Variants in MBTD1 observed in about 807,000 individuals in gnomAD.
MBTD1 encodes mbt domain containing 1, also known as MBT domain-containing protein 1.
In MBTD1, 24 loss-of-function variants were observed where a neutral mutation model predicts 87.8. That is an observed-to-expected ratio of 0.27 (90% CI 0.20 to 0.38). The LOEUF (loss-of-function observed/expected upper bound fraction) is 0.38, where lower values mean the gene tolerates loss of function less well. MBTD1 is among the 10% of genes least tolerant of loss of function. MBTD1 has a pLI of 1.00. For missense variants in MBTD1, 436 were observed against 760.2 expected, an observed-to-expected ratio of 0.57 and a Z score of 5.02; for synonymous variants, 237 against 248.6, an observed-to-expected ratio of 0.95 and a Z score of 0.44.
At chr17:51,237,874 T>C (rs1409228052) in intron 2 of MBTD1, among the ~76,000 whole-genome samples, 3 of 152,178 alleles carry the variant, frequency 2.0e-5, no homozygotes, top group African/African-American at 7.2e-5. Flanking sequence ...CTGGAAACAA[T>C]TTAAATGCCC....
intron 2 of MBTD1, among the ~76,000 whole-genome samples, chr17:51,243,556 T>C (rs2054270961): frequency 6.6e-6 from 1 of 152,240 alleles, no homozygotes; most frequent in African/African-American, 2.4e-5. Flanking sequence ...TCTGACAATA[T>C]ATGATACTTT....
At position 51,259,938 on chromosome 17, in the gene MBTD1, G is replaced by C. The variant is rs2055373658; in HGVS notation, c.-216C>G. On this transcript the variant is annotated 5_prime_UTR_variant, in exon 1 of 17. Transcript: ENST00000586178. ...GGGCTGGGGGCAGGTGCCTCTCCCC[G>C]GGACTGCGGCGACTACAGGGGGCCC... is the stretch of plus-strand genomic sequence containing the variant. The C allele has an allele frequency of 8.3e-7, 1 of 1,201,480 alleles. No individual in the cohort carries two copies. The highest frequency in any genetic ancestry group is 1.0e-6 in the Non-Finnish European group (1 of 960,222). The allele number at this position is 1,201,480 out of a possible 1,614,324, so 74.4% of individuals were successfully genotyped here.
At chr17:51,185,274 A>G (rs1421476878) in intron 16 of MBTD1, 1 of 152,230 alleles carries the variant, frequency 6.6e-6, no homozygotes, top group Non-Finnish European at 1.5e-5. Context: ...AGGCAGGTAT[A>G]ACTTTGGCTT....
chr17:51,193,280 ATATT>A (rs1488775046), intron 14 of MBTD1, 144 bp downstream of exon 14: 8 of 598,620 alleles, frequency 1.3e-5, no homozygotes, highest in Admixed American at 3.8e-5. Context: ...GGTAAAGAAA[ATATT>A]TATATTGTTT....
intron 12 of MBTD1, among the ~76,000 whole-genome samples, chr17:51,200,319 C>G (rs975993310): frequency 3.3e-5 from 5 of 151,264 alleles, no homozygotes; most frequent in African/African-American, 1.2e-4. Context: ...CCCAGCTACT[C>G]AGGAGGCTGA....
chr17:51,252,829 T>G (rs2054870238), intron 2 of MBTD1, among the ~76,000 whole-genome samples: 1 of 152,138 alleles, frequency 6.6e-6, no homozygotes, highest in Admixed American at 6.6e-5. Flanking sequence ...TGATTGTAGG[T>G]AGGTAAACCT....
chr17:51,201,924 G>T, intron 11 of MBTD1, 98 bp downstream of exon 11: 1 of 837,296 alleles, frequency 1.2e-6, no homozygotes, highest in Non-Finnish European at 2.0e-6. Context: ...TCTTTTAAGT[G>T]AACATATGTA....
chr17:51,235,256 C>A lies in MBTD1; in HGVS notation c.-48-10047G>T, dbSNP rs1040191017. 4.0e-4 allele frequency among the ~76,000 whole-genome samples: 61 copies of A among 152,164 alleles called. 1 individual carries two copies. Among genetic ancestry groups the A allele is most frequent in the African/African-American group, 1.4e-3 (59 of 41,506 alleles). On this transcript the variant is annotated intron_variant, in intron 2 of 16. Transcript: ENST00000586178. ...GTTCAAGCTATTCTCGTGCCTTAGC[C>A]TCCTGAGTAGCTGGGATTACAGGCA...
chr17:51,198,764 G>A (rs1029967275), intron 12 of MBTD1, among the ~76,000 whole-genome samples: 4 of 152,154 alleles, frequency 2.6e-5, no homozygotes, highest in Middle Eastern at 3.4e-3. Flanking sequence ...CTGTGATTCC[G>A]GTCATGTAGA....
intron 3 of MBTD1, among the ~76,000 whole-genome samples, chr17:51,222,044 C>T (rs570940151): frequency 1.3e-5 from 2 of 152,244 alleles, no homozygotes; most frequent in Non-Finnish European, 2.9e-5. Context: ...TGTTAAAGAA[C>T]GTTCTGAACA....
At chr17:51,236,061 A>G (rs149359090) in intron 2 of MBTD1, among the ~76,000 whole-genome samples, 314 of 152,216 alleles carry the variant, frequency 2.1e-3, no homozygotes, top group African/African-American at 7.3e-3. Flanking sequence ...ATATATAGAT[A>G]TCTATAGATA....
At chr17:51,257,204 G>A (rs910590393) in intron 2 of MBTD1, among the ~76,000 whole-genome samples, 7 of 152,092 alleles carry the variant, frequency 4.6e-5, no homozygotes, top group Non-Finnish European at 1.0e-4. Flanking sequence ...CTCTTTTATT[G>A]TCCTGATGTT....
At chr17:51,259,758 C>G in intron 1 of MBTD1, 77 bp downstream of exon 1, 1 of 1,213,602 alleles carries the variant, frequency 8.2e-7, no homozygotes, top group Non-Finnish European at 1.0e-6. Flanking sequence ...CAGGGAGCTG[C>G]GGGGTTCCTG....
At chr17:51,208,612 A>C (rs1290658168) in intron 6 of MBTD1, among the ~76,000 whole-genome samples, 3 of 152,238 alleles carry the variant, frequency 2.0e-5, no homozygotes, top group Admixed American at 2.0e-4. Context: ...AGATGCAGTT[A>C]AATGAATGCA....
At chr17:51,196,050 G>C (rs890550890) in intron 12 of MBTD1, among the ~76,000 whole-genome samples, 1 of 152,064 alleles carries the variant, frequency 6.6e-6, no homozygotes, top group South Asian at 2.1e-4. Flanking sequence ...TAGGACTACA[G>C]GTGCATGCCA....
intron 2 of MBTD1, among the ~76,000 whole-genome samples, chr17:51,257,189 C>A (rs2055139422): frequency 6.6e-6 from 1 of 152,172 alleles, no homozygotes; most frequent in Admixed American, 6.5e-5. Flanking sequence ...TATTGTAAGT[C>A]CTTTCTCTTT....
At chr17:51,251,906 C>T (rs1344181124) in intron 2 of MBTD1, among the ~76,000 whole-genome samples, 1 of 152,156 alleles carries the variant, frequency 6.6e-6, no homozygotes, top group Non-Finnish European at 1.5e-5. Context: ...GCTGGGATTA[C>T]AGTGTGTGCC....
chr17:51,232,338 C>A (rs909883758), intron 2 of MBTD1, among the ~76,000 whole-genome samples: 2 of 151,984 alleles, frequency 1.3e-5, no homozygotes, highest in African/African-American at 4.8e-5. Context: ...CAAGTATGAG[C>A]GCACGATCAA....
At chr17:51,248,544 C>G (rs2054586393) in intron 2 of MBTD1, among the ~76,000 whole-genome samples, 1 of 152,194 alleles carries the variant, frequency 6.6e-6, no homozygotes, top group Non-Finnish European at 1.5e-5. Flanking sequence ...CCCACTCAAT[C>G]TCTCCCCAGT....
Sources: gnomAD v4.1 joint callset for allele counts (sites outside exome capture counted in the v4.1 genomes callset) on GRCh38, gnomAD v4.1.1 for gene constraint, MANE v1.5 for transcripts, NCBI Gene and HGNC (gene_info 2026-07-23, HGNC 2026-07-21) for gene names.